Variants in LIMCH1 observed in about 807,000 individuals in gnomAD.
The protein encoded by LIMCH1 is LIM and calponin homology domains-containing protein 1.
In LIMCH1, 113 loss-of-function variants were observed where a neutral mutation model predicts 176.5. That is an observed-to-expected ratio of 0.64 (90% CI 0.55 to 0.75). The LOEUF is 0.75. Among genes scored for constraint, LIMCH1 ranks in the 30% least tolerant of loss-of-function variants. The pLI is 0.00. For missense variants in LIMCH1, 1,674 were observed against 1,814.9 expected, an observed-to-expected ratio of 0.92 and a Z score of 1.41; for synonymous variants, 619 against 645.9, an observed-to-expected ratio of 0.96 and a Z score of 0.63.
At chr4:41,663,172 T>TGTGTGTGTGA in intron 20 of LIMCH1, among the ~76,000 whole-genome samples, 188 bp downstream of exon 20, 1 of 147,216 alleles carries the variant, frequency 6.8e-6, no homozygotes, top group African/African-American at 2.5e-5. Flanking sequence ...TGTGTGTGTG[T>TGTGTGTGTGA]GATGGAGTTT....
chr4:41,499,731 T>A (rs2072898213), intron 2 of LIMCH1, among the ~76,000 whole-genome samples: 3 of 151,984 alleles, frequency 2.0e-5, no homozygotes, highest in Admixed American at 2.0e-4. Context: ...GGCAGGAGAA[T>A]CTCTTGAACC....
chr4:41,554,562 C>T (rs1347249877), intron 1 of LIMCH1, among the ~76,000 whole-genome samples: 1 of 152,148 alleles, frequency 6.6e-6, no homozygotes, highest in Non-Finnish European at 1.5e-5. Flanking sequence ...CCTCTGGACA[C>T]ACTGCTTCTA....
chr4:41,655,854 C>T (rs1209703975), intron 18 of LIMCH1, among the ~76,000 whole-genome samples: 2 of 152,034 alleles, frequency 1.3e-5, no homozygotes, highest in Non-Finnish European at 2.9e-5. Flanking sequence ...TTTGCCTCTC[C>T]TTTTGTTCCC....
At chr4:41,492,097 C>T (rs368625683) in intron 1 of LIMCH1, among the ~76,000 whole-genome samples, 5 of 152,320 alleles carry the variant, frequency 3.3e-5, no homozygotes, top group South Asian at 2.1e-4. Context: ...CGCCACTGCA[C>T]TCCAGCCTGG....
chr4:41,384,141 G>C (rs2056126806), intron 1 of LIMCH1, among the ~76,000 whole-genome samples: 1 of 152,108 alleles, frequency 6.6e-6, no homozygotes, highest in African/African-American at 2.4e-5. Context: ...AGACTGCAGG[G>C]GGCTGAGCAG....
chr4:41,644,449 G>A (rs7670210), intron 14 of LIMCH1, 51 bp from the exon 15 acceptor site: 26,767 of 1,429,154 alleles, frequency 0.019, 297 homozygotes, highest in Non-Finnish European at 0.021. Context: ...GCGCGGAGAC[G>A]CGACGGGCGC....
chr4:41,502,998 T>C (rs866791336), intron 2 of LIMCH1, among the ~76,000 whole-genome samples: 25 of 60,642 alleles, frequency 4.1e-4, no homozygotes, highest in Non-Finnish European at 7.2e-4. Flanking sequence ...CTGGTCTGTC[T>C]GTCCATCCAT....
chr4:41,591,267 G>A (rs1487719528), intron 1 of LIMCH1, among the ~76,000 whole-genome samples: 1 of 150,966 alleles, frequency 6.6e-6, no homozygotes, highest in Non-Finnish European at 1.5e-5. Flanking sequence ...TGCTTGCCAA[G>A]GTCTTGCTTT....
intron 2 of LIMCH1, among the ~76,000 whole-genome samples, chr4:41,494,865 T>G (rs1236766663): frequency 1.3e-5 from 2 of 152,178 alleles, no homozygotes; most frequent in Non-Finnish European, 2.9e-5. Flanking sequence ...CCAATAATCT[T>G]TCACTGTGCA....
Position 41,642,590 on chromosome 4 carries a change from G to A in LIMCH1, c.2127-1910G>A, listed in dbSNP as rs149638443. 5.4e-3 allele frequency among the ~76,000 whole-genome samples: 821 copies of A among 151,196 alleles called. 4 individuals are homozygous for A. The highest frequency in any genetic ancestry group is 0.014 in the Middle Eastern group (4 of 292). ...TTTTATTTTTTTGAGATAGAGTCTC[G>A]CTCTGTCACCCAGGCTGGAGTGCAG... is the stretch of plus-strand genomic sequence containing the variant. On this transcript the variant is annotated intron_variant, in intron 14 of 31. Coordinates refer to ENST00000503057, the MANE Select transcript of LIMCH1 (RefSeq NM_001330672.2).
chr4:41,644,438 C>G (rs912997190), intron 14 of LIMCH1, 62 bp from the exon 15 acceptor site: 2 of 1,419,172 alleles, frequency 1.4e-6, no homozygotes, highest in African/African-American at 1.5e-5. Context: ...GACGCCCAGG[C>G]GCGCGGAGAC....
At chr4:41,656,827 G>C (rs372809677) in intron 18 of LIMCH1, among the ~76,000 whole-genome samples, 12 of 152,300 alleles carry the variant, frequency 7.9e-5, no homozygotes, top group African/African-American at 2.9e-4. Flanking sequence ...AACCCATAGA[G>C]GTTAAATGAT....
At chr4:41,641,651 A>G (rs558221364) in intron 14 of LIMCH1, among the ~76,000 whole-genome samples, 50 of 152,216 alleles carry the variant, frequency 3.3e-4, no homozygotes, top group Non-Finnish European at 6.0e-4. Context: ...TATATACCTT[A>G]TACATATAGA....
chr4:41,623,866 G>A (rs1418328240), intron 7 of LIMCH1, among the ~76,000 whole-genome samples: 1 of 152,066 alleles, frequency 6.6e-6, no homozygotes, highest in African/African-American at 2.4e-5. Flanking sequence ...ATATATTAGC[G>A]GTATCTTAGC....
chr4:41,686,187 A>C (rs2153064808), intron 28 of LIMCH1, among the ~76,000 whole-genome samples: 2 of 152,170 alleles, frequency 1.3e-5, no homozygotes, highest in East Asian at 3.9e-4. Flanking sequence ...TTATTCTCTC[A>C]TTATTATGCT....
chr4:41,472,923 A>T, intron 1 of LIMCH1: 1 of 620,962 alleles, frequency 1.6e-6, no homozygotes, highest in Non-Finnish European at 2.0e-6. Context: ...CACATCTCTT[A>T]ACATCCCATG....
chr4:41,500,282 A>G (rs1311158969), intron 2 of LIMCH1, among the ~76,000 whole-genome samples: 1 of 152,226 alleles, frequency 6.6e-6, no homozygotes, highest in East Asian at 1.9e-4. Flanking sequence ...CAGTCATTAC[A>G]CTGAGAGTTG....
chr4:41,684,321 TTTAAG>T (rs1164452378), intron 26 of LIMCH1, 71 bp from the exon 27 acceptor site: 1 of 1,376,494 alleles, frequency 7.3e-7, no homozygotes, highest in Non-Finnish European at 9.9e-7. Flanking sequence ...ACTCCCATCC[TTTAAG>T]TTATAGGACC....
At chr4:41,632,915 T>A (rs1463978155) in intron 11 of LIMCH1, 48 bp downstream of exon 11, 1 of 1,528,524 alleles carries the variant, frequency 6.5e-7, no homozygotes, top group East Asian at 2.4e-5. Flanking sequence ...GGAGGACAGG[T>A]GGGGTCAGAG....
Sources: gnomAD v4.1 joint callset for allele counts (sites outside exome capture counted in the v4.1 genomes callset) on GRCh38, gnomAD v4.1.1 for gene constraint, MANE v1.5 for transcripts, NCBI Gene and HGNC (gene_info 2026-07-23, HGNC 2026-07-21) for gene names.